Variants in ATF3 observed in about 807,000 individuals in gnomAD.
The protein encoded by ATF3 is cyclic AMP-dependent transcription factor ATF-3.
In ATF3, 10 loss-of-function variants were observed where a neutral mutation model predicts 18.4. That is an observed-to-expected ratio of 0.54 (90% CI 0.34 to 0.92). The LOEUF is 0.92. ATF3 is among the 40% of genes least tolerant of loss of function. ATF3 has a pLI of 0.02. For synonymous variants in ATF3, 78 were observed against 87.9 expected (o/e 0.89, Z 0.63); for missense variants, 183 against 222.3 (o/e 0.82, Z 1.12).
At chr1:212,598,731 G>A (rs1281639870) in intron 1 of ATF3, among the ~76,000 whole-genome samples, 1 of 152,080 alleles carries the variant, frequency 6.6e-6, no homozygotes, top group East Asian at 1.9e-4. Context: ...TCTGTGCCTG[G>A]CTTATTTCAC....
intron 1 of ATF3, among the ~76,000 whole-genome samples, chr1:212,597,212 A>G (rs966498673): frequency 4.2e-4 from 64 of 152,184 alleles, no homozygotes; most frequent in Non-Finnish European, 5.9e-5. Flanking sequence ...TCTTCTGTAG[A>G]AACTTGGTCA....
At chr1:212,601,161 C>T (rs1049225645) in intron 1 of ATF3, among the ~76,000 whole-genome samples, 1 of 152,196 alleles carries the variant, frequency 6.6e-6, no homozygotes, top group Non-Finnish European at 1.5e-5. Flanking sequence ...GATTCAAGTT[C>T]ATCGTATTTT....
chr1:212,615,068 C>G lies in ATF3; in HGVS notation c.47C>G (p.Ala16Gly), dbSNP rs1558240139. Residue 16 changes from alanine (A) to glycine (G), a missense_variant, in exon 2 of 4, where the codon GCT becomes GGT. Physicochemically the swap from Ala to Gly is moderately conservative, Grantham distance 60 (BLOSUM62 0). Coordinates refer to ENST00000341491, the MANE Select transcript of ATF3 (RefSeq NM_001674.4). ...PGQVSASEVS[A>G]SAIVPCLSPP... is the part of the protein sequence containing the mutation. ...CAGGTCTCTGCCTCGGAAGTGAGTG[C>G]TTCTGCCATCGTCCCCTGCCTGTCC... The G allele has an allele frequency of 6.2e-7, 1 of 1,614,190 alleles. No individual in the cohort carries two copies. The highest frequency in any genetic ancestry group is 1.1e-5 in the South Asian group (1 of 91,078).
At chr1:212,598,591 T>C (rs1243618627) in intron 1 of ATF3, among the ~76,000 whole-genome samples, 4 of 152,236 alleles carry the variant, frequency 2.6e-5, no homozygotes, top group Non-Finnish European at 5.9e-5. Flanking sequence ...CCATTAACCA[T>C]CCTCACCTTC....
chr1:212,572,125 T>C (rs1664495705), intron 1 of ATF3, among the ~76,000 whole-genome samples: 1 of 152,246 alleles, frequency 6.6e-6, no homozygotes, highest in African/African-American at 2.4e-5. Flanking sequence ...TTTTTACACT[T>C]GTTCTTTTGC....
intron 1 of ATF3, among the ~76,000 whole-genome samples, chr1:212,586,525 G>A (rs192708301): frequency 1.3e-5 from 2 of 152,314 alleles, no homozygotes; most frequent in African/African-American, 2.4e-5. Flanking sequence ...ATGAATGAAT[G>A]ACTACATCGG....
intron 2 of ATF3, among the ~76,000 whole-genome samples, chr1:212,616,470 ATT>A (rs535612062): frequency 6.6e-6 from 1 of 151,892 alleles, no homozygotes; most frequent in Admixed American, 6.6e-5. Context: ...TAATTTTTGA[ATT>A]TTTTTAGTAG....
chr1:212,591,674 G>A (rs1346586998), intron 1 of ATF3, among the ~76,000 whole-genome samples: 1 of 152,012 alleles, frequency 6.6e-6, no homozygotes, highest in African/African-American at 2.4e-5. Flanking sequence ...TTTAATCATG[G>A]GAATTTGCAA....
At chr1:212,572,618 A>T (rs1474856045) in intron 1 of ATF3, among the ~76,000 whole-genome samples, 1 of 152,240 alleles carries the variant, frequency 6.6e-6, no homozygotes, top group Non-Finnish European at 1.5e-5. Context: ...TGAAAAGAAT[A>T]CTATTGAGAT....
chr1:212,577,688 T>A (rs35575528), intron 1 of ATF3, among the ~76,000 whole-genome samples: 11 of 152,166 alleles, frequency 7.2e-5, no homozygotes, highest in Non-Finnish European at 1.5e-4. Context: ...TTGTTTTTCC[T>A]TGCCTGGCAT....
chr1:212,616,037 G>T (rs1309017493), intron 2 of ATF3, among the ~76,000 whole-genome samples: 2 of 151,896 alleles, frequency 1.3e-5, no homozygotes, highest in Non-Finnish European at 2.9e-5. Context: ...AAAGGAAGAA[G>T]GAAAGAGGAG....
chr1:212,572,676 A>G (rs1210795739), intron 1 of ATF3, among the ~76,000 whole-genome samples: 3 of 152,220 alleles, frequency 2.0e-5, no homozygotes, highest in African/African-American at 7.2e-5. Flanking sequence ...CAAAGCACTG[A>G]CTTCGTTGCC....
chr1:212,597,562 T>C (rs1571774114), intron 1 of ATF3, among the ~76,000 whole-genome samples: 1 of 152,192 alleles, frequency 6.6e-6, no homozygotes, highest in African/African-American at 2.4e-5. Flanking sequence ...ATTAGCTTTA[T>C]GTTCAATGTT....
chr1:212,619,222 C>G lies in ATF3; in HGVS notation c.349-136C>G. On this transcript the variant is annotated intron_variant, in intron 3 of 3. Transcript: ENST00000341491. The surrounding 1 kb of genome is among the most constrained non-coding windows in gnomAD (Gnocchi z 4.4). ...CCTAAACCCAGTGCTGCTCTCCCAT[C>G]TCCCATCTTCCTCTCGCAGCTTGAT... The G allele has an allele frequency of 1.9e-6, 3 of 1,610,344 alleles. No homozygotes were observed. The highest frequency in any genetic ancestry group is 2.5e-6 in the Non-Finnish European group (3 of 1,179,008).
intron 1 of ATF3, among the ~76,000 whole-genome samples, chr1:212,566,903 C>G (rs1008710486): frequency 2.0e-5 from 3 of 152,158 alleles, no homozygotes; most frequent in African/African-American, 7.2e-5. Context: ...TGGATCACAA[C>G]TGAACAGTGA....
chr1:212,584,811 C>G (rs945057126), intron 1 of ATF3, among the ~76,000 whole-genome samples: 2 of 152,192 alleles, frequency 1.3e-5, no homozygotes, highest in South Asian at 4.1e-4. Context: ...CATGGCCTCT[C>G]TCTTTCACCT....
intron 1 of ATF3, among the ~76,000 whole-genome samples, chr1:212,572,149 T>C (rs867054632): frequency 6.6e-6 from 1 of 152,252 alleles, no homozygotes; most frequent in African/African-American, 2.4e-5. Context: ...TTCCATACTC[T>C]TATCGATACT....
rs755315959 is a variant in ATF3 at position 212,619,568 on chromosome 1, TG to T, written c.*18del. ...ATTGCAGAGCTAAGCAGTCGTGGTA[TG>T]GGGGCGACTGGGGAGTCCTCATTGA... On this transcript the variant is annotated 3_prime_UTR_variant, in exon 4 of 4. Coordinates refer to ENST00000341491, the MANE Select transcript of ATF3 (RefSeq NM_001674.4). This position sits in a 1 kb window ranked among gnomAD's most constrained non-coding sequence, Gnocchi z 4.4. The T allele has an allele frequency of 1.2e-5, 20 of 1,613,562 alleles. No homozygotes were observed. The highest frequency in any genetic ancestry group is 3.3e-5 in the Admixed American group (2 of 59,968).
chr1:212,605,783 T>C (rs1333474586), upstream of ATF3, among the ~76,000 whole-genome samples: 1 of 152,220 alleles, frequency 6.6e-6, no homozygotes, highest in African/African-American at 2.4e-5. Context: ...TCTCCAACTC[T>C]TATCTCACTC....
Sources: allele counts gnomAD v4.1 joint callset (sites outside exome capture counted in the v4.1 genomes callset), GRCh38; gene constraint gnomAD v4.1.1; non-coding constraint Gnocchi (gnomAD v3.1); transcripts MANE v1.5; gene names NCBI Gene and HGNC (gene_info 2026-07-23, HGNC 2026-07-21).